LRP1B: variants seen among roughly 807,000 people sequenced by gnomAD.
The protein encoded by LRP1B is low-density lipoprotein receptor-related protein 1B.
Under a neutral mutation model 556.6 loss-of-function variants are expected in LRP1B, and 217 were observed. That is an observed-to-expected ratio of 0.39 (90% confidence interval 0.35 to 0.44). The LOEUF is 0.44. LRP1B is among the 20% of genes least tolerant of loss of function. The pLI is 1.00. For synonymous variants in LRP1B, 2,047 were observed against 1,865.8 expected, an observed-to-expected ratio of 1.10 and a Z score of -2.50; for missense variants, 5,053 against 5,620.8, an observed-to-expected ratio of 0.90 and a Z score of 3.23.
intron 45 of LRP1B, among the ~76,000 whole-genome samples, chr2:140,538,199 T>C (rs1905921): frequency 0.49 from 74,225 of 151,866 alleles, 18,524 homozygotes; most frequent in South Asian, 0.59. Flanking sequence ...AGAGGGTCTA[T>C]CTAAGGCTTC....
At chr2:140,902,747 T>G (rs1466761078) in intron 23 of LRP1B, among the ~76,000 whole-genome samples, 173 bp downstream of exon 23, 1 of 152,216 alleles carries the variant, frequency 6.6e-6, no homozygotes, top group Non-Finnish European at 1.5e-5. Flanking sequence ...AAGTAAGGAT[T>G]ATTATATTTT....
intron 32 of LRP1B, among the ~76,000 whole-genome samples, chr2:140,809,905 G>A (rs1690858725): frequency 6.6e-6 from 1 of 152,162 alleles, no homozygotes; most frequent in Non-Finnish European, 1.5e-5. Context: ...AGAGGGCAAA[G>A]AAGCTCATGC....
intron 1 of LRP1B, among the ~76,000 whole-genome samples, chr2:141,921,608 T>C (rs576338989): frequency 3.3e-5 from 5 of 151,882 alleles, no homozygotes; most frequent in Admixed American, 1.3e-4. Flanking sequence ...TTTTTATAAA[T>C]ATAAGTTCAT....
intron 43 of LRP1B, among the ~76,000 whole-genome samples, chr2:140,546,438 T>C (rs62171873): frequency 0.45 from 68,737 of 151,958 alleles, 15,970 homozygotes; most frequent in East Asian, 0.58. Flanking sequence ...GACCCACAGT[T>C]CAGCATGGCT....
At chr2:140,918,833 CT>C (rs1193820936) in intron 21 of LRP1B, among the ~76,000 whole-genome samples, 3 of 151,992 alleles carry the variant, frequency 2.0e-5, no homozygotes, top group Non-Finnish European at 2.9e-5. Context: ...TTTCCCAGTT[CT>C]TGATCTTGGA....
rs1376957950 is a variant in LRP1B, at chr2:140,423,367, CT to C, written c.10414+19136del. On this transcript the variant is annotated intron_variant, in intron 66 of 90. Coordinates refer to ENST00000389484, the MANE Select transcript of LRP1B (RefSeq NM_018557.3). Reference sequence around the variant, plus strand: ...ATAAAATAAGGAAAGAAAAGGAAAGCTTTTTTTTAATTAAAAATTTTCAATA... The same window carrying C: ...ATAAAATAAGGAAAGAAAAGGAAAGCTTTTTTTAATTAAAAATTTTCAATA... 4.6e-5 allele frequency among the ~76,000 whole-genome samples: 7 copies of C among 151,838 alleles called. No homozygotes were observed. The East Asian group carries it at 1.4e-3, about 29-fold the overall frequency.
intron 31 of LRP1B, among the ~76,000 whole-genome samples, chr2:140,820,274 C>G (rs1321196958): frequency 1.3e-5 from 2 of 152,220 alleles, no homozygotes; most frequent in African/African-American, 4.8e-5. Flanking sequence ...GCCACCACAC[C>G]TGGCCTACAT....
At chr2:140,856,441 A>G (rs1395426538) in intron 27 of LRP1B, among the ~76,000 whole-genome samples, 4 of 152,144 alleles carry the variant, frequency 2.6e-5, no homozygotes, top group African/African-American at 4.8e-5. Flanking sequence ...ATTTGTTCAT[A>G]TATTTTGTAT....
chr2:140,568,283 G>T (rs977201958), intron 43 of LRP1B, among the ~76,000 whole-genome samples: 1 of 145,138 alleles, frequency 6.9e-6, no homozygotes, highest in Non-Finnish European at 1.5e-5. Context: ...TTAATAAAAA[G>T]ATAAATATCA....
chr2:140,429,643 T>A (rs1685830474), intron 66 of LRP1B, among the ~76,000 whole-genome samples: 1 of 152,096 alleles, frequency 6.6e-6, no homozygotes, highest in Non-Finnish European at 1.5e-5. Context: ...CCTCAATCCC[T>A]TACAAAACAA....
At chr2:141,336,101 T>A (rs2683857) in intron 3 of LRP1B, among the ~76,000 whole-genome samples, 75,334 of 129,666 alleles carry the variant, frequency 0.58, 22,175 homozygotes, top group African/African-American at 0.68. Context: ...TAATGAAATA[T>A]CCCAGACCTG....
intron 35 of LRP1B, among the ~76,000 whole-genome samples, chr2:140,753,903 T>A (rs1275259093): frequency 6.6e-6 from 1 of 152,126 alleles, no homozygotes; most frequent in East Asian, 1.9e-4. Flanking sequence ...CCTCCACCCA[T>A]CCTGTACTCA....
chr2:142,006,785 A>C (rs1702817454), intron 1 of LRP1B, among the ~76,000 whole-genome samples: 1 of 152,158 alleles, frequency 6.6e-6, no homozygotes, highest in Non-Finnish European at 1.5e-5. Context: ...TTGCTTTCCA[A>C]GGGAGACATC....
chr2:141,610,178 G>A (rs111985488), intron 2 of LRP1B, among the ~76,000 whole-genome samples: 278 of 145,312 alleles, frequency 1.9e-3, no homozygotes, highest in African/African-American at 6.7e-3. Flanking sequence ...ACCCTATTTC[G>A]TGGGGGGAGG....
chr2:141,152,019 T>C (rs902286076), intron 7 of LRP1B, among the ~76,000 whole-genome samples: 2 of 152,086 alleles, frequency 1.3e-5, no homozygotes, highest in Admixed American at 6.6e-5. Flanking sequence ...TGGAGAAAGA[T>C]AAGAATAAAT....
At chr2:141,954,008 C>A (rs145413861) in intron 1 of LRP1B, among the ~76,000 whole-genome samples, 1 of 152,084 alleles carries the variant, frequency 6.6e-6, no homozygotes, top group African/African-American at 2.4e-5. Context: ...CTGATCCTTT[C>A]CTTGCCCTAT....
intron 83 of LRP1B, among the ~76,000 whole-genome samples, chr2:140,302,793 CAA>C (rs1683889218): frequency 1.3e-5 from 2 of 151,924 alleles, no homozygotes; most frequent in African/African-American, 4.8e-5. Context: ...CATTCAGACT[CAA>C]AGACTTACAC....
intron 1 of LRP1B, among the ~76,000 whole-genome samples, chr2:142,122,010 A>G (rs1487226843): frequency 6.6e-6 from 1 of 152,180 alleles, no homozygotes; most frequent in African/African-American, 2.4e-5. Flanking sequence ...ATAGGTATTT[A>G]TGTAATGCAA....
At chr2:141,357,954 T>C (rs1688684791) in intron 3 of LRP1B, among the ~76,000 whole-genome samples, 1 of 152,174 alleles carries the variant, frequency 6.6e-6, no homozygotes, top group Admixed American at 6.5e-5. Context: ...TTACAAAATG[T>C]ATGACTGTTG....
Sources: allele counts gnomAD v4.1 joint callset (sites outside exome capture counted in the v4.1 genomes callset), GRCh38; gene constraint gnomAD v4.1.1; transcripts MANE v1.5; gene names NCBI Gene and HGNC (gene_info 2026-07-23, HGNC 2026-07-21).